AAK1: variants seen among roughly 807,000 people sequenced by gnomAD.
AAK1 encodes AP2-associated protein kinase 1.
A neutral mutation model predicts 116.0 loss-of-function variants in AAK1; 37 were observed. The ratio of observed to expected loss-of-function variants is 0.32; its 90% CI spans 0.25 to 0.42. The LOEUF is 0.42. AAK1 is among the 10% of genes least tolerant of loss of function. AAK1 has a pLI of 1.00. For missense variants in AAK1, 919 were observed against 1,170.6 expected (o/e 0.79, Z 3.14); for synonymous variants, 458 against 439.9 (o/e 1.04, Z -0.51).
At chr2:69,534,564 T>C (rs1247645237) in intron 5 of AAK1, among the ~76,000 whole-genome samples, 2 of 152,356 alleles carry the variant, frequency 1.3e-5, no homozygotes, top group Non-Finnish European at 2.9e-5. Context: ...GTCCTTTTAT[T>C]CAATTGCTCC....
At chr2:69,568,425 CTTT>C (rs61271799) in intron 2 of AAK1, among the ~76,000 whole-genome samples, 17 of 122,174 alleles carry the variant, frequency 1.4e-4, no homozygotes, top group Admixed American at 3.3e-4. Flanking sequence ...ATGTTTTCAA[CTTT>C]TTTTTTTTTT....
rs541613376 is a variant in AAK1 at position 69,471,116 on chromosome 2, A to C, written c.*4753T>G. ...AAAGACCTATGATAAACACACATCC[A>C]CATGACAAAGGAGAGTGCAATAGGG... On this transcript the variant is annotated 3_prime_UTR_variant, in exon 22 of 22. Transcript: ENST00000409085. 1.4e-4 allele frequency: 142 copies of C among 985,824 alleles called. No individual in the cohort carries two copies. The African/African-American group carries it at 2.3e-3, about 16-fold the overall frequency. The allele number at this position is 985,824 out of a possible 1,614,324, so 61.1% of individuals were successfully genotyped here.
rs925938958 is a variant in AAK1 at position 69,518,483 on chromosome 2, G to T, written c.1497+471C>A. On this transcript the variant is annotated intron_variant, in intron 12 of 21. Coordinates refer to ENST00000409085, the MANE Select transcript of AAK1 (RefSeq NM_014911.5). Reference sequence around the variant, plus strand: ...TGCCCAGGCTGGAGTGCAATGGCACGATCTCGGCTCACTGAACCTCTGCCT... The same window carrying T: ...TGCCCAGGCTGGAGTGCAATGGCACTATCTCGGCTCACTGAACCTCTGCCT... 2.7e-5 allele frequency among the ~76,000 whole-genome samples: 4 copies of T among 149,350 alleles called. No homozygotes were observed. In the East Asian group the frequency reaches 7.8e-4, roughly 29 times the overall value.
chr2:69,491,006 T>C (rs1051813965), intron 17 of AAK1, among the ~76,000 whole-genome samples: 2 of 151,932 alleles, frequency 1.3e-5, no homozygotes, highest in Non-Finnish European at 2.9e-5. Flanking sequence ...AGTGTGATCA[T>C]AGCTCATTGC....
intron 5 of AAK1, among the ~76,000 whole-genome samples, chr2:69,537,919 T>A (rs1670543188): frequency 6.6e-6 from 1 of 152,280 alleles, no homozygotes; most frequent in South Asian, 2.1e-4. Flanking sequence ...GGTCCCTATA[T>A]CCAAGGTAAA....
chr2:69,643,319 T>A, intron 1 of AAK1, 45 bp from the exon 2 acceptor site: 1 of 1,334,232 alleles, frequency 7.5e-7, no homozygotes, highest in Non-Finnish European at 9.5e-7. Flanking sequence ...AGTAACACGC[T>A]TAAAAATTCA....
intron 2 of AAK1, among the ~76,000 whole-genome samples, chr2:69,628,863 C>T (rs911654081): frequency 3.3e-5 from 5 of 152,114 alleles, no homozygotes; most frequent in African/African-American, 9.7e-5. Flanking sequence ...CTGTTGATTG[C>T]TCTTTTCACT....
Position 69,544,332 on chromosome 2 carries a change from A to T in AAK1, c.391+104T>A, listed in dbSNP as rs115911540. 2.2e-3 allele frequency: 1,835 copies of T among 835,642 alleles called. 15 individuals carry two copies. The African/African-American group carries it at 0.023, about 10-fold the overall frequency. The allele number at this position is 835,642 out of a possible 1,614,324, so 51.8% of individuals were successfully genotyped here. A position where few individuals can be genotyped will look rare whatever the true frequency, so the allele number is the denominator to read the frequency against. ...TAGTTTTCTCATCTGTCAAACCAGA[A>T]CATATCATAGAGTGCAGTGCACATT... On this transcript the variant is annotated intron_variant, in intron 4 of 21. Coordinates refer to ENST00000409085, the MANE Select transcript of AAK1 (RefSeq NM_014911.5).
chr2:69,607,382 T>C (rs1253133497), intron 2 of AAK1, among the ~76,000 whole-genome samples: 1 of 152,152 alleles, frequency 6.6e-6, no homozygotes, highest in Non-Finnish European at 1.5e-5. Context: ...GGAGGGGTCA[T>C]CGTATGGCCT....
intron 2 of AAK1, among the ~76,000 whole-genome samples, chr2:69,558,181 A>G (rs1193395408): frequency 6.6e-6 from 1 of 152,042 alleles, no homozygotes; most frequent in African/African-American, 2.4e-5. Flanking sequence ...TGTCTCTACA[A>G]AAAATACAAA....
intron 8 of AAK1, among the ~76,000 whole-genome samples, chr2:69,529,344 A>G (rs1038007758): frequency 6.6e-6 from 1 of 152,218 alleles, no homozygotes; most frequent in Admixed American, 6.5e-5. Flanking sequence ...TGGAAAGATG[A>G]TAAAAATCTC....
intron 2 of AAK1, among the ~76,000 whole-genome samples, chr2:69,569,652 A>C (rs1268823872): frequency 6.6e-6 from 1 of 152,128 alleles, no homozygotes. Context: ...AATCCCACCC[A>C]AATCCTCCCA....
At chr2:69,583,335 G>A (rs1672624475) in intron 2 of AAK1, among the ~76,000 whole-genome samples, 3 of 152,176 alleles carry the variant, frequency 2.0e-5, no homozygotes, top group Admixed American at 6.5e-5. Flanking sequence ...GGTGAGCAGA[G>A]GATGGAAGTA....
intron 16 of AAK1, among the ~76,000 whole-genome samples, chr2:69,503,406 A>T (rs1676052093): frequency 6.6e-6 from 1 of 152,244 alleles, no homozygotes; most frequent in Non-Finnish European, 1.5e-5. Context: ...GCTCACATTC[A>T]TTGCTGAAGT....
In AAK1 at chr2:69,506,964, G is replaced by C. The variant is rs534174034; in HGVS notation, c.2164+457C>G. ...CTTCTATTTATTTAATCATCTTTCT[G>C]TGTAGTACAGTAATACAGAACTCTG... On this transcript the variant is annotated intron_variant, in intron 15 of 21. Coordinates refer to ENST00000409085, the MANE Select transcript of AAK1 (RefSeq NM_014911.5). Among the ~76,000 whole-genome samples, 5 of 152,002 alleles carry C rather than the reference G, an allele frequency of 3.3e-5. No individual in the cohort carries two copies. In the South Asian group the frequency reaches 1.0e-3, roughly 32 times the overall value.
Position 69,467,845 on chromosome 2 carries a change from G to T in AAK1, c.*8024C>A. 1 of 985,298 alleles carries T rather than the reference G, an allele frequency of 1.0e-6. No individual in the cohort carries two copies. 61.0% of individuals were successfully genotyped at this position (985,298 alleles called of 1,614,324 possible). A position where few individuals can be genotyped will look rare whatever the true frequency, so the allele number is the denominator to read the frequency against. ...ACTTAGAGACATTACATTGTAAAGA[G>T]AATGTAGAGAGAGGTCTGAACATTT... On this transcript the variant is annotated 3_prime_UTR_variant, in exon 22 of 22. Transcript: ENST00000409085.
chr2:69,611,908 ACT>A (rs1184326762), intron 2 of AAK1, among the ~76,000 whole-genome samples: 1 of 152,192 alleles, frequency 6.6e-6, no homozygotes, highest in African/African-American at 2.4e-5. Flanking sequence ...AAAGCAAAAC[ACT>A]CTATGATTCC....
At chr2:69,623,437 T>C (rs10194473) in intron 2 of AAK1, among the ~76,000 whole-genome samples, 19,981 of 152,056 alleles carry the variant, frequency 0.13, 3,042 homozygotes, top group African/African-American at 0.36. Flanking sequence ...GCCTCGTAGA[T>C]GCCCTTCCTC....
intron 2 of AAK1, among the ~76,000 whole-genome samples, chr2:69,610,583 G>A (rs1674033764): frequency 6.6e-6 from 1 of 152,208 alleles, no homozygotes; most frequent in African/African-American, 2.4e-5. Flanking sequence ...GGAATGGAAG[G>A]AAATACTGTA....
Sources: allele counts gnomAD v4.1 joint callset (sites outside exome capture counted in the v4.1 genomes callset), GRCh38; gene constraint gnomAD v4.1.1; transcripts MANE v1.5; gene names NCBI Gene and HGNC (gene_info 2026-07-23, HGNC 2026-07-21).